ACOT11: variants seen among roughly 807,000 people sequenced by gnomAD.
ACOT11 encodes the protein acyl-coenzyme A thioesterase 11.
Under a neutral mutation model 77.5 loss-of-function variants are expected in ACOT11, and 69 were observed. That is an observed-to-expected ratio of 0.89 (90% CI 0.73 to 1.09). ACOT11 has a LOEUF of 1.09. Among genes scored for constraint, ACOT11 ranks in the 50% least tolerant of loss-of-function variants. ACOT11 has a pLI of 0.00. For missense variants in ACOT11, 766 were observed against 813.7 expected, an observed-to-expected ratio of 0.94 and a Z score of 0.71; for synonymous variants, 279 against 313.0, an observed-to-expected ratio of 0.89 and a Z score of 1.15.
At position 54,608,082 on chromosome 1, in the gene ACOT11, C is replaced by T. The variant is rs1354376520; in HGVS notation, c.1629+14C>T. On this transcript the variant is annotated intron_variant, in intron 15 of 15. Coordinates refer to ENST00000343744, the MANE Select transcript of ACOT11 (RefSeq NM_147161.4). ...CAGCTGACCAAGGTGAGGCCGGTCC[C>T]CCCAACCACGCCCCCAGCCTGGCTC... 6.2e-7 allele frequency: 1 copy of T among 1,605,174 alleles called. No individual in the cohort carries two copies. Among genetic ancestry groups the T allele is most frequent in the South Asian group, 1.1e-5 (1 of 90,726 alleles).
At chr1:54,627,721 G>A (rs1273899322) in intron 15 of ACOT11, among the ~76,000 whole-genome samples, 1 of 134,778 alleles carries the variant, frequency 7.4e-6, no homozygotes. Context: ...GGATGGAGAA[G>A]ACACAGGTTA....
At chr1:54,559,522 A>AT (rs1279356236) in intron 1 of ACOT11, among the ~76,000 whole-genome samples, 1 of 152,116 alleles carries the variant, frequency 6.6e-6, no homozygotes, top group Non-Finnish European at 1.5e-5. Flanking sequence ...ATCATGCCAA[A>AT]TTGTTGTCAG....
intron 1 of ACOT11, among the ~76,000 whole-genome samples, chr1:54,567,060 C>T (rs904568893): frequency 6.6e-6 from 1 of 152,064 alleles, no homozygotes; most frequent in South Asian, 2.1e-4. Flanking sequence ...ATCTTAAATA[C>T]CCATATATGT....
At chr1:54,604,872 A>C (rs1459068279) in intron 12 of ACOT11, among the ~76,000 whole-genome samples, 1 of 152,148 alleles carries the variant, frequency 6.6e-6, no homozygotes, top group African/African-American at 2.4e-5. Context: ...TGCCTTAGTC[A>C]CTGTTGTCTT....
chr1:54,622,910 C>T (rs1644244357), intron 15 of ACOT11, among the ~76,000 whole-genome samples: 1 of 151,996 alleles, frequency 6.6e-6, no homozygotes, highest in African/African-American at 2.4e-5. Context: ...CATGATGACT[C>T]ACACCTGTAA....
chr1:54,610,625 C>A, downstream of ACOT11: 1 of 1,567,050 alleles, frequency 6.4e-7, no homozygotes, highest in South Asian at 1.2e-5. Context: ...TTGCTAGGGT[C>A]CCATAGGCCA....
chr1:54,606,477 G>A (rs1385009580), intron 13 of ACOT11, among the ~76,000 whole-genome samples: 1 of 152,156 alleles, frequency 6.6e-6, no homozygotes, highest in African/African-American at 2.4e-5. Context: ...GCACGTGTTG[G>A]TATGAACCTG....
Position 54,607,851 on chromosome 1 carries a change from G to T in ACOT11, c.1503-91G>T, listed in dbSNP as rs1644047401. 1.3e-6 allele frequency: 2 copies of T among 1,533,398 alleles called. No homozygotes were observed. The allele number at this position is 1,533,398 out of a possible 1,614,324, so 95.0% of individuals were successfully genotyped here. On this transcript the variant is annotated intron_variant, in intron 14 of 15. Transcript: ENST00000343744. The surrounding 1 kb of genome is among the most constrained non-coding windows in gnomAD (Gnocchi z 4.5). ...CCCTGGTGAGGAATCTGTGCTAGAG[G>T]GGGCAGGGTCTCGGCCTTGGTTGGG...
intron 3 of ACOT11, among the ~76,000 whole-genome samples, chr1:54,591,393 G>A (rs1187512749): frequency 6.6e-6 from 1 of 152,166 alleles, no homozygotes; most frequent in East Asian, 1.9e-4. Flanking sequence ...TGGTTAAGGT[G>A]GAGCTTGACT....
chr1:54,620,150 G>A (rs979916448), intron 15 of ACOT11: 235 of 865,522 alleles, frequency 2.7e-4, no homozygotes, highest in Non-Finnish European at 2.1e-4. Context: ...AGACTCACTG[G>A]TGCTACAATA....
intron 11 of ACOT11, 32 bp from the exon 12 acceptor site, chr1:54,604,314 G>C: frequency 6.2e-7 from 1 of 1,600,238 alleles, no homozygotes; most frequent in Non-Finnish European, 8.6e-7. Flanking sequence ...GGAAGGGGGT[G>C]GGGTAGTGGT....
chr1:54,601,422 G>C lies in ACOT11; in HGVS notation c.1029+9G>C. On this transcript the variant is annotated intron_variant, in intron 9 of 15. Coordinates refer to ENST00000343744, the MANE Select transcript of ACOT11 (RefSeq NM_147161.4). Reference sequence around the variant, plus strand: ...TTCGGCCCCAGCCCGGCGTAAGTGGGACCAGCGCCCTGCCCCACCAGCAGC... The same window carrying C: ...TTCGGCCCCAGCCCGGCGTAAGTGGCACCAGCGCCCTGCCCCACCAGCAGC... The C allele has an allele frequency of 6.2e-7, 1 of 1,609,778 alleles. No homozygotes were observed. The highest frequency in any genetic ancestry group is 8.5e-7 in the Non-Finnish European group (1 of 1,179,282).
intron 4 of ACOT11, among the ~76,000 whole-genome samples, chr1:54,593,049 G>C (rs570759167): frequency 6.6e-6 from 1 of 152,336 alleles, no homozygotes; most frequent in Non-Finnish European, 1.5e-5. Context: ...AAGGGAACAT[G>C]ATTCCTCTGT....
chr1:54,611,650 T>C (rs752824778), downstream of ACOT11: 5 of 1,613,856 alleles, frequency 3.1e-6, no homozygotes, highest in African/African-American at 4.0e-5. Context: ...AAAGATGTCA[T>C]AGTAGACTTG....
At chr1:54,593,844 C>A in intron 4 of ACOT11, 97 bp from the exon 5 acceptor site, 3 of 1,023,934 alleles carry the variant, frequency 2.9e-6, no homozygotes, top group Non-Finnish European at 4.5e-6. Context: ...GGAGGCCTGG[C>A]CTGGGCTGGG....
At chr1:54,590,280 G>A (rs1654661089) in intron 3 of ACOT11, among the ~76,000 whole-genome samples, 1 of 152,098 alleles carries the variant, frequency 6.6e-6, no homozygotes, top group African/African-American at 2.4e-5. Flanking sequence ...TCTGTCTCCT[G>A]AGAGTAAATT....
chr1:54,603,968 T>G (rs1643995322), intron 11 of ACOT11, 31 bp downstream of exon 11: 1 of 1,607,288 alleles, frequency 6.2e-7, no homozygotes, highest in Admixed American at 1.7e-5. Flanking sequence ...AGGACAGTCT[T>G]CAGACCCACC....
rs1356513896 is a variant in ACOT11, at chr1:54,610,028, TA to T, written c.*917del. The T allele has an allele frequency of 1.4e-6, 2 of 1,480,774 alleles. No individual in the cohort carries two copies. The highest frequency in any genetic ancestry group is 4.7e-5 in the East Asian group (2 of 42,356). The allele number at this position is 1,480,774 out of a possible 1,614,324, so 91.7% of individuals were successfully genotyped here. The stretch of plus-strand genomic sequence containing the variant: ...CCCTTGTTAAAGGGGCAGTGGGAGT[TA>T]TGGGGTCATCAAGGACCTTGCCTCT... On this transcript the variant is annotated 3_prime_UTR_variant, in exon 16 of 16. Transcript: ENST00000343744.
At position 54,607,916 on chromosome 1, in the gene ACOT11, C is replaced by T. The variant is rs745912041; in HGVS notation, c.1503-26C>T. Reference sequence around the variant, plus strand: ...ACTTTCTTCTGTGGCTGACCCCTGTCCCCTTGCTACCCTTCCTTCACTCAG... The same window carrying T: ...ACTTTCTTCTGTGGCTGACCCCTGTTCCCTTGCTACCCTTCCTTCACTCAG... On this transcript the variant is annotated intron_variant, in intron 14 of 15. Coordinates refer to ENST00000343744, the MANE Select transcript of ACOT11 (RefSeq NM_147161.4). This position sits in a 1 kb window ranked among gnomAD's most constrained non-coding sequence, Gnocchi z 4.5. 2.0e-5 allele frequency: 32 copies of T among 1,613,158 alleles called. No individual in the cohort carries two copies. The highest frequency in any genetic ancestry group is 2.5e-5 in the Non-Finnish European group (29 of 1,179,620).
Sources: allele counts gnomAD v4.1 joint callset (sites outside exome capture counted in the v4.1 genomes callset), GRCh38; gene constraint gnomAD v4.1.1; non-coding constraint Gnocchi (gnomAD v3.1); transcripts MANE v1.5; gene names NCBI Gene and HGNC (gene_info 2026-07-23, HGNC 2026-07-21).